The following DPP6 variants were observed in gnomAD, a reference collection of about 807,000 sequenced individuals.
DPP6 encodes A-type potassium channel modulatory protein DPP6.
In DPP6, 69 loss-of-function variants were observed where a neutral mutation model predicts 122.6. The observed-to-expected ratio is 0.56, with a 90% CI of 0.46 to 0.69. The LOEUF is 0.69. Among genes scored for constraint, DPP6 ranks in the 30% least tolerant of loss-of-function variants. DPP6 has a pLI of 0.00. For synonymous variants in DPP6, 418 were observed against 433.1 expected, an observed-to-expected ratio of 0.97 and a Z score of 0.43; for missense variants, 928 against 1,116.9, an observed-to-expected ratio of 0.83 and a Z score of 2.41.
At chr7:154,250,078 C>T (rs145734612) in intron 1 of DPP6, among the ~76,000 whole-genome samples, 1,540 of 152,112 alleles carry the variant, frequency 0.01, 23 homozygotes, top group African/African-American at 0.035. Flanking sequence ...TTCTAATTAC[C>T]GGTGCATGCA....
At chr7:154,014,587 G>C (rs1022481632) in intron 1 of DPP6, among the ~76,000 whole-genome samples, 1 of 151,978 alleles carries the variant, frequency 6.6e-6, no homozygotes, top group African/African-American at 2.4e-5. Context: ...GCTTGAACCT[G>C]GGAGACGGAG....
chr7:154,381,445 A>G (rs1813598910), intron 1 of DPP6, among the ~76,000 whole-genome samples: 1 of 152,236 alleles, frequency 6.6e-6, no homozygotes, highest in Non-Finnish European at 1.5e-5. Context: ...GTCTGTGTGT[A>G]CATATCGGTA....
intron 1 of DPP6, 100 bp downstream of exon 1, chr7:154,053,163 G>A: frequency 1.2e-6 from 1 of 837,068 alleles, no homozygotes; most frequent in Non-Finnish European, 1.4e-6. Context: ...GGGGGAATCA[G>A]GCGCCCTCCC....
Position 154,309,249 on chromosome 7 carries a change from A to T in DPP6, c.244-136965A>T, listed in dbSNP as rs138790925. Among the ~76,000 whole-genome samples the T allele has an allele frequency of 2.7e-3, 414 of 152,242 alleles. 2 individuals are homozygous for T. The highest frequency in any genetic ancestry group is 9.5e-3 in the African/African-American group (395 of 41,540). On this transcript the variant is annotated intron_variant, in intron 1 of 25. Coordinates refer to ENST00000377770, the MANE Select transcript of DPP6 (RefSeq NM_130797.4). ...CCTGAAAATCAGCTGTTCTCATCAC[A>T]CCTTGTATATGTGACTGCTGTTTTT...
chr7:154,011,503 G>C (rs1798155737), intron 1 of DPP6, among the ~76,000 whole-genome samples: 1 of 152,168 alleles, frequency 6.6e-6, no homozygotes, highest in African/African-American at 2.4e-5. Flanking sequence ...TGGGCTGTCA[G>C]ATCTAAGAAA....
At chr7:154,048,604 C>T (rs1259203813), upstream of DPP6, among the ~76,000 whole-genome samples, 1 of 87,350 alleles carries the variant, frequency 1.1e-5, no homozygotes, top group African/African-American at 4.4e-5. Flanking sequence ...GACAGTGATG[C>T]CCACTGTTTT....
At chr7:154,393,312 G>C (rs754716500) in intron 1 of DPP6, among the ~76,000 whole-genome samples, 3 of 152,204 alleles carry the variant, frequency 2.0e-5, no homozygotes, top group Non-Finnish European at 4.4e-5. Context: ...CATAGCAGGA[G>C]AAACTATTAG....
At chr7:154,443,944 G>C (rs1007815920) in intron 1 of DPP6, among the ~76,000 whole-genome samples, 6 of 152,152 alleles carry the variant, frequency 3.9e-5, no homozygotes, top group Non-Finnish European at 5.9e-5. Flanking sequence ...GGACAACCTA[G>C]TGACTTCTCT....
At chr7:153,810,313 C>T in the DPP6 span, among the ~76,000 whole-genome samples, 19 of 152,112 alleles carry the variant, frequency 1.2e-4, no homozygotes, top group East Asian at 1.9e-4. Flanking sequence ...GTAAGACTTA[C>T]GATGTATGAT....
At chr7:153,832,424 T>C in the DPP6 span, among the ~76,000 whole-genome samples, 1 of 152,370 alleles carries the variant, frequency 6.6e-6, no homozygotes, top group Middle Eastern at 3.4e-3. Flanking sequence ...TGAATGCTTC[T>C]AGAGAATACT....
chr7:154,876,030 A>G lies in DPP6; in HGVS notation c.2008A>G (p.Thr670Ala), dbSNP rs745394696. Residue 670 changes from threonine to alanine, a missense_variant, in exon 20 of 26, where the codon ACC becomes GCC. By Grantham distance (58) the Thr-to-Ala change is moderately conservative. Coordinates refer to ENST00000377770, the MANE Select transcript of DPP6 (RefSeq NM_130797.4). Reference sequence around the variant, plus strand: ...CGGCCGTGGCAGCGGCTTCCAAGGGACCAAGCTCCTGCACGAAGTGAGGCG... The same window carrying G: ...CGGCCGTGGCAGCGGCTTCCAAGGGGCCAAGCTCCTGCACGAAGTGAGGCG... The part of the protein sequence containing the change: ...CDGRGSGFQG[T>A]KLLHEVRRRL... 3 of 1,612,870 alleles carry G rather than the reference A, an allele frequency of 1.9e-6. No individual in the cohort carries two copies. Among genetic ancestry groups the G allele is most frequent in the Non-Finnish European group, 2.5e-6 (3 of 1,179,528 alleles).
At chr7:154,668,631 T>C (rs888850962) in intron 6 of DPP6, among the ~76,000 whole-genome samples, 1 of 151,990 alleles carries the variant, frequency 6.6e-6, no homozygotes, top group African/African-American at 2.4e-5. Context: ...AAAAGAAACA[T>C]GAAAATGAAT....
rs1182126838 is a variant in DPP6, at chr7:154,060,289, T to C, written c.243+7226T>C. 3.2e-3 allele frequency among the ~76,000 whole-genome samples: 105 copies of C among 32,336 alleles called. 1 individual carries two copies. The highest frequency in any genetic ancestry group is 9.2e-3 in the African/African-American group (71 of 7,732). The allele number at this position is 32,336 out of a possible 152,430, so 21.2% of individuals were successfully genotyped here. A position where few individuals can be genotyped will look rare whatever the true frequency, so the allele number is the denominator to read the frequency against. On this transcript the variant is annotated intron_variant, in intron 1 of 25. Transcript: ENST00000377770. ...CCGCGAGGCAGGGACTGAGAGGCAA[T>C]CCCTCTTCCCCCCCTGGCTCTTAGG...
At chr7:154,653,019 C>T (rs1563063296) in intron 6 of DPP6, among the ~76,000 whole-genome samples, 1 of 152,148 alleles carries the variant, frequency 6.6e-6, no homozygotes, top group Admixed American at 6.5e-5. Context: ...ACAGTGTTCC[C>T]CTGTCTCCCA....
At chr7:153,802,058 G>T in the DPP6 span, among the ~76,000 whole-genome samples, 8 of 152,188 alleles carry the variant, frequency 5.3e-5, no homozygotes, top group Non-Finnish European at 1.2e-4. Flanking sequence ...ATGGTTATGT[G>T]GTGGCAATGC....
At chr7:154,295,964 A>T (rs562604072) in intron 1 of DPP6, among the ~76,000 whole-genome samples, 176 of 76,750 alleles carry the variant, frequency 2.3e-3, no homozygotes, top group African/African-American at 9.5e-3. Context: ...TTTTTTTTTG[A>T]GACAGAGTCT....
chr7:154,497,782 G>A (rs945308539), intron 3 of DPP6, among the ~76,000 whole-genome samples: 1 of 152,054 alleles, frequency 6.6e-6, no homozygotes, highest in East Asian at 1.9e-4. Context: ...AAAAAGCCTG[G>A]GAAGGAATAA....
chr7:154,793,701 GC>G (rs1191964094), intron 10 of DPP6: 1 of 161,520 alleles, frequency 6.2e-6, no homozygotes, highest in Non-Finnish European at 1.3e-5. Context: ...ACCCCTCGCT[GC>G]CCGGTCAGGT....
At chr7:154,786,499 A>C (rs572183443) in intron 10 of DPP6, among the ~76,000 whole-genome samples, 1 of 152,246 alleles carries the variant, frequency 6.6e-6, no homozygotes, top group African/African-American at 2.4e-5. Flanking sequence ...ATGAGTGCTC[A>C]TTTGATCTGA....
Sources: gnomAD v4.1 joint callset for allele counts (sites outside exome capture counted in the v4.1 genomes callset) on GRCh38, gnomAD v4.1.1 for gene constraint, MANE v1.5 for transcripts, NCBI Gene and HGNC (gene_info 2026-07-23, HGNC 2026-07-21) for gene names.